The following THUMPD3 variants were observed in gnomAD, a reference collection of about 807,000 sequenced individuals.
THUMPD3 encodes the protein tRNA (guanine(6)-N(2))-methyltransferase THUMP3.
A neutral mutation model predicts 54.5 loss-of-function variants in THUMPD3; 44 were observed. The observed-to-expected ratio is 0.81, with a 90% CI of 0.63 to 1.04. THUMPD3 has a LOEUF of 1.04. Among genes scored for constraint, THUMPD3 ranks in the 50% least tolerant of loss-of-function variants. THUMPD3 has a pLI of 0.00. For missense variants in THUMPD3, 604 were observed against 601.3 expected (o/e 1.00, Z -0.05); for synonymous variants, 196 against 201.4 (o/e 0.97, Z 0.23).
rs547161125 is a variant in THUMPD3, at chr3:9,384,434, C to T, written c.1360-90C>T. ...TTGGATAAGATTTGTTTTCTCTTCC[C>T]CTGAGGTTTCCTATCTTGGCAGTTA... On this transcript the variant is annotated intron_variant, in intron 9 of 9. Transcript: ENST00000452837. The T allele has an allele frequency of 2.0e-5, 32 of 1,600,388 alleles. No homozygotes were observed. The South Asian group carries it at 3.6e-4, about 18-fold the overall frequency.
intron 4 of THUMPD3, 116 bp from the exon 5 acceptor site, chr3:9,374,400 A>G (rs2125321192): frequency 3.2e-6 from 4 of 1,266,278 alleles, no homozygotes; most frequent in Non-Finnish European, 4.4e-6. Context: ...TCCCAGGAGT[A>G]GGGGACCAAC....
intron 2 of THUMPD3, among the ~76,000 whole-genome samples, chr3:9,365,540 G>T (rs1354829618): frequency 6.6e-6 from 1 of 151,444 alleles, no homozygotes; most frequent in African/African-American, 2.4e-5. Flanking sequence ...TTTGGAGGGG[G>T]GTGGGGGGAG....
intron 2 of THUMPD3, 65 bp from the exon 3 acceptor site, chr3:9,366,843 A>AAG: frequency 7.7e-7 from 1 of 1,292,344 alleles, no homozygotes; most frequent in Non-Finnish European, 1.1e-6. Context: ...TTAAATACTT[A>AAG]ATTGTTGATA....
chr3:9,378,908 G>A (rs994161696), intron 6 of THUMPD3, among the ~76,000 whole-genome samples: 2 of 152,058 alleles, frequency 1.3e-5, no homozygotes, highest in Admixed American at 6.5e-5. Flanking sequence ...GAAATAGCAG[G>A]TAAGGTCACC....
intron 3 of THUMPD3, among the ~76,000 whole-genome samples, chr3:9,367,936 G>A (rs2031694387): frequency 6.6e-6 from 1 of 151,912 alleles, no homozygotes; most frequent in Non-Finnish European, 1.5e-5. Context: ...GTAGTGGTGG[G>A]CGCCTGTAGT....
At chr3:9,368,193 C>T (rs2031719475) in intron 3 of THUMPD3, among the ~76,000 whole-genome samples, 1 of 151,488 alleles carries the variant, frequency 6.6e-6, no homozygotes, top group Non-Finnish European at 1.5e-5. Flanking sequence ...TTATTAGTCC[C>T]CACCCCCCTC....
intron 5 of THUMPD3, among the ~76,000 whole-genome samples, chr3:9,375,658 A>G (rs1244078258): frequency 6.6e-6 from 1 of 152,278 alleles, no homozygotes; most frequent in Non-Finnish European, 1.5e-5. Flanking sequence ...TGACAGGGAT[A>G]CATTCTGAAA....
chr3:9,372,832 A>T (rs1180407810), intron 4 of THUMPD3, among the ~76,000 whole-genome samples: 1 of 152,226 alleles, frequency 6.6e-6, no homozygotes, highest in Non-Finnish European at 1.5e-5. Context: ...CAGCTGATAT[A>T]TTTACCAAAG....
At chr3:9,377,747 C>T in intron 5 of THUMPD3, 72 bp from the exon 6 acceptor site, 2 of 1,199,444 alleles carry the variant, frequency 1.7e-6, no homozygotes, top group Non-Finnish European at 2.5e-6. Flanking sequence ...AATCTTAAAG[C>T]TTCAGGAATC....
rs747384348 is a variant in THUMPD3 at position 9,377,782 on chromosome 3, G to C, written c.939-37G>C. 3 of 1,536,960 alleles carry C rather than the reference G, an allele frequency of 2.0e-6. No individual in the cohort carries two copies. In the South Asian group the frequency reaches 3.4e-5, roughly 17 times the overall value. On this transcript the variant is annotated intron_variant, in intron 5 of 9. Transcript: ENST00000452837. ...CATCAGTATAGAAGCCTCAGCTTTT[G>C]AGTGAGTCTTCACATAGGCTGTTTT...
Position 9,386,586 on chromosome 3 carries a change from GTCT to G in THUMPD3, c.*1904_*1906del, listed in dbSNP as rs2033348822. ...AATATGTAGTGGGCAATAGTTTGCCGTCTTCTTCCCTAGTATGGTGTTTTTCAA... is the reference window on the plus strand; with the variant it reads ...AATATGTAGTGGGCAATAGTTTGCCGTCTTCCCTAGTATGGTGTTTTTCAA... On this transcript the variant is annotated 3_prime_UTR_variant, in exon 10 of 10. Transcript: ENST00000452837. The G allele has an allele frequency of 6.6e-6, 1 of 151,826 alleles. No individual in the cohort carries two copies. Among genetic ancestry groups the G allele is most frequent in the African/African-American group, 2.4e-5 (1 of 41,278 alleles). The allele number at this position is 151,826 out of a possible 1,614,324, so 9.4% of individuals were successfully genotyped here.
chr3:9,383,454 T>C (rs1319396303), intron 8 of THUMPD3, 145 bp downstream of exon 8: 6 of 600,596 alleles, frequency 1.0e-5, no homozygotes, highest in Non-Finnish European at 1.8e-5. Context: ...ACCCATTATG[T>C]TTCTTCCGAG....
At chr3:9,371,707 A>G (rs1473257035) in intron 4 of THUMPD3, among the ~76,000 whole-genome samples, 171 bp downstream of exon 4, 3 of 152,248 alleles carry the variant, frequency 2.0e-5, no homozygotes, top group East Asian at 1.9e-4. Context: ...CCACAACTGT[A>G]TAACTTTGGA....
chr3:9,384,828 G>A lies in THUMPD3; in HGVS notation c.*140G>A. On this transcript the variant is annotated 3_prime_UTR_variant, in exon 10 of 10. Transcript: ENST00000452837. ...CTCTTCATCCTGGTTAGCAAAAGGT[G>A]TGAATGTAATGTGATGGAATTTAAA... 1.1e-6 allele frequency: 1 copy of A among 950,162 alleles called. No homozygotes were observed. Among genetic ancestry groups the A allele is most frequent in the South Asian group, 1.7e-5 (1 of 60,470 alleles). The allele number at this position is 950,162 out of a possible 1,614,324, so 58.9% of individuals were successfully genotyped here.
At chr3:9,379,215 A>G (rs2032694600) in intron 6 of THUMPD3, among the ~76,000 whole-genome samples, 1 of 145,516 alleles carries the variant, frequency 6.9e-6, no homozygotes, top group East Asian at 2.0e-4. Context: ...TAGGTTTAGG[A>G]AAAAAAAAAA....
chr3:9,386,032 T>C lies in THUMPD3; in HGVS notation c.*1344T>C, dbSNP rs536382741. ...GATTTTCAGTATCCTATTAGTATTA[T>C]AATAGTACTCCTCTTAATACTTTCT... On this transcript the variant is annotated 3_prime_UTR_variant, in exon 10 of 10. Transcript: ENST00000452837. 1 of 152,346 alleles carries C rather than the reference T, an allele frequency of 6.6e-6. No individual in the cohort carries two copies. The highest frequency in any genetic ancestry group is 1.5e-5 in the Non-Finnish European group (1 of 68,038). 9.4% of individuals were successfully genotyped at this position (152,346 alleles called of 1,614,324 possible).
At chr3:9,371,899 CAG>C (rs1383470226) in intron 4 of THUMPD3, among the ~76,000 whole-genome samples, 2 of 152,186 alleles carry the variant, frequency 1.3e-5, no homozygotes, top group Admixed American at 6.5e-5. Context: ...TTTTTCGAGA[CAG>C]AGTCTTGCTC....
intron 1 of THUMPD3, 41 bp downstream of exon 1, chr3:9,363,168 T>C (rs1212882732): frequency 6.6e-6 from 1 of 152,406 alleles, no homozygotes; most frequent in African/African-American, 2.4e-5. Context: ...GTGGCTCTTC[T>C]GGTGTTTCAG....
chr3:9,377,179 CTGT>C (rs1378815202), intron 5 of THUMPD3, among the ~76,000 whole-genome samples: 2 of 151,998 alleles, frequency 1.3e-5, no homozygotes, highest in Non-Finnish European at 2.9e-5. Context: ...GAAAACAACA[CTGT>C]TGTCAAAAAG....
Sources: gnomAD v4.1 joint callset for allele counts (sites outside exome capture counted in the v4.1 genomes callset) on GRCh38, gnomAD v4.1.1 for gene constraint, MANE v1.5 for transcripts, NCBI Gene and HGNC (gene_info 2026-07-23, HGNC 2026-07-21) for gene names.